NEK10: variants seen among roughly 807,000 people sequenced by gnomAD.
NEK10 encodes NIMA related kinase 10.
In NEK10, 122 loss-of-function variants were observed where a neutral mutation model predicts 159.8. The observed-to-expected ratio is 0.76, with a 90% CI of 0.66 to 0.89. The LOEUF (loss-of-function observed/expected upper bound fraction) is 0.89. Ranked by LOEUF, NEK10 falls within the 40% of genes least tolerant of loss-of-function variation. The pLI, the probability that NEK10 is intolerant of heterozygous loss-of-function variation, is 0.00. For synonymous variants in NEK10, 466 were observed against 457.1 expected, an observed-to-expected ratio of 1.02 and a Z score of -0.25; for missense variants, 1,342 against 1,323.1, an observed-to-expected ratio of 1.01 and a Z score of -0.22.
intron 25 of NEK10, 39 bp downstream of exon 25, chr3:27,201,471 T>G: frequency 3.3e-6 from 5 of 1,537,772 alleles, no homozygotes; most frequent in Non-Finnish European, 4.5e-6. Context: ...AGGTATTTCT[T>G]GATTGTCCCT....
At chr3:27,202,338 G>T in intron 24 of NEK10, 90 bp downstream of exon 24, 1 of 1,299,860 alleles carries the variant, frequency 7.7e-7, no homozygotes, top group Non-Finnish European at 1.1e-6. Context: ...TTAATGGGCA[G>T]TTATATACAA....
chr3:27,261,406 G>T (rs562395899), intron 22 of NEK10, among the ~76,000 whole-genome samples: 33 of 152,294 alleles, frequency 2.2e-4, no homozygotes, highest in African/African-American at 7.0e-4. Flanking sequence ...GTGTCCCAGA[G>T]ATTCTGGTAT....
At chr3:27,362,102 C>A (rs2048729384) in intron 1 of NEK10, among the ~76,000 whole-genome samples, 1 of 152,062 alleles carries the variant, frequency 6.6e-6, no homozygotes, top group Non-Finnish European at 1.5e-5. Context: ...TGAATGAAAT[C>A]AGAGGAAAGA....
At chr3:27,365,606 TTG>T (rs1553655272) in intron 1 of NEK10, among the ~76,000 whole-genome samples, 2 of 108,820 alleles carry the variant, frequency 1.8e-5, no homozygotes, top group African/African-American at 3.6e-5. Context: ...TGTTTTTTTT[TTG>T]TGTTTTTTTT....
intron 22 of NEK10, among the ~76,000 whole-genome samples, chr3:27,270,237 C>G (rs1338793661): frequency 2.0e-5 from 3 of 152,164 alleles, no homozygotes; most frequent in African/African-American, 7.2e-5. Flanking sequence ...AAAGGTTATT[C>G]TGCTGAAGAG....
At chr3:27,180,944 C>T (rs1037207110) in intron 26 of NEK10, among the ~76,000 whole-genome samples, 1 of 152,108 alleles carries the variant, frequency 6.6e-6, no homozygotes, top group African/African-American at 2.4e-5. Flanking sequence ...GGGACTATGG[C>T]ACCTGCATGT....
At chr3:27,219,839 C>CA (rs1407050782) in intron 23 of NEK10, among the ~76,000 whole-genome samples, 2 of 151,876 alleles carry the variant, frequency 1.3e-5, no homozygotes, top group Non-Finnish European at 2.9e-5. Flanking sequence ...AAGAAATTCA[C>CA]AAAAAAATTA....
chr3:27,287,590 A>G, intron 20 of NEK10, 108 bp downstream of exon 20: 2 of 1,200,476 alleles, frequency 1.7e-6, no homozygotes, highest in Admixed American at 3.4e-5. Context: ...TTAACAAAAA[A>G]AGGTCAATAA....
At chr3:27,306,605 T>C (rs1422895106) in intron 11 of NEK10, among the ~76,000 whole-genome samples, 1 of 152,176 alleles carries the variant, frequency 6.6e-6, no homozygotes, top group African/African-American at 2.4e-5. Flanking sequence ...TGAGTCCCCA[T>C]AATGTTCATG....
intron 12 of NEK10, among the ~76,000 whole-genome samples, chr3:27,303,820 T>C (rs1002632182): frequency 2.0e-5 from 3 of 152,232 alleles, no homozygotes; most frequent in African/African-American, 4.8e-5. Context: ...TATCTAGTTA[T>C]ATGAAAATTG....
At chr3:27,290,549 A>G (rs1340956554) in intron 19 of NEK10, 68 bp downstream of exon 19, 1 of 1,186,884 alleles carries the variant, frequency 8.4e-7, no homozygotes, top group East Asian at 2.4e-5. Flanking sequence ...CAAGAGCACC[A>G]CAACTCTACT....
intron 4 of NEK10, among the ~76,000 whole-genome samples, chr3:27,345,045 GA>G (rs1291399190): frequency 2.6e-5 from 4 of 152,044 alleles, no homozygotes; most frequent in South Asian, 2.1e-4. Flanking sequence ...AAAAGGATAA[GA>G]AAAAATGAAA....
chr3:27,251,789 C>T (rs2149303950), intron 23 of NEK10, among the ~76,000 whole-genome samples: 1 of 152,294 alleles, frequency 6.6e-6, no homozygotes, highest in South Asian at 2.1e-4. Context: ...AATCTTTACA[C>T]ATTTTATTTT....
intron 10 of NEK10, 29 bp from the exon 11 acceptor site, chr3:27,307,974 T>C (rs767807305): frequency 5.5e-6 from 6 of 1,082,162 alleles, no homozygotes; most frequent in Non-Finnish European, 8.6e-6. Context: ...TAGCAATTAC[T>C]AAAAGCATAT....
chr3:27,284,836 A>T lies in NEK10; in HGVS notation c.1911+4T>A. 1 of 1,580,944 alleles carries T rather than the reference A, an allele frequency of 6.3e-7. No homozygotes were observed. On this transcript the variant is annotated splice_donor_region_variant and intron_variant, in intron 21 of 35. Coordinates refer to ENST00000691995, the MANE Select transcript of NEK10 (RefSeq NM_001394966.1). ...AGAAAAATTTAATGAAGATAAAAGC[A>T]TACCTGTATAAATATTTTCCATAGT...
intron 4 of NEK10, 48 bp downstream of exon 4, chr3:27,346,038 C>T: frequency 6.3e-7 from 1 of 1,592,066 alleles, no homozygotes. Context: ...AAACTGTGAG[C>T]TAAGCAGAAT....
chr3:27,162,822 C>T (rs1255578704), intron 29 of NEK10, 84 bp from the exon 30 acceptor site: 5 of 1,571,734 alleles, frequency 3.2e-6, no homozygotes, highest in Middle Eastern at 1.7e-4. Context: ...CTATGGTCTA[C>T]ATTATAAAGA....
At chr3:27,213,790 A>T (rs1227653151) in intron 23 of NEK10, among the ~76,000 whole-genome samples, 1 of 152,104 alleles carries the variant, frequency 6.6e-6, no homozygotes, top group Non-Finnish European at 1.5e-5. Flanking sequence ...GCAGGCCCTG[A>T]AAAAAATCAA....
chr3:27,312,585 C>CGT (rs145649167), intron 7 of NEK10, among the ~76,000 whole-genome samples: 2,326 of 152,098 alleles, frequency 0.015, 65 homozygotes, highest in African/African-American at 0.052. Flanking sequence ...ATTTTACTGA[C>CGT]GTATATAAGC....
Sources: gnomAD v4.1 joint callset for allele counts (sites outside exome capture counted in the v4.1 genomes callset) on GRCh38, gnomAD v4.1.1 for gene constraint, MANE v1.5 for transcripts, NCBI Gene and HGNC (gene_info 2026-07-23, HGNC 2026-07-21) for gene names.